CHD1: variants seen among roughly 807,000 people sequenced by gnomAD.
CHD1 encodes chromodomain helicase DNA binding protein 1.
In CHD1, 36 loss-of-function variants were observed where a neutral mutation model predicts 224.2. The ratio of observed to expected loss-of-function variants is 0.16; its 90% CI spans 0.12 to 0.21. The LOEUF (loss-of-function observed/expected upper bound fraction) is 0.21, where lower values mean the gene tolerates loss of function less well. Ranked by LOEUF, CHD1 falls within the 10% of genes least tolerant of loss-of-function variation. CHD1 has a pLI of 1.00. For synonymous variants in CHD1, 668 were observed against 658.3 expected (o/e 1.01, Z -0.23); for missense variants, 1,378 against 1,994.8 (o/e 0.69, Z 5.89).
At chr5:98,865,540 T>G (rs535676922) in intron 31 of CHD1, among the ~76,000 whole-genome samples, 2 of 152,174 alleles carry the variant, frequency 1.3e-5, no homozygotes, top group South Asian at 4.1e-4. Flanking sequence ...AACTGAAACT[T>G]AGAATACAAT....
chr5:98,856,840 A>T, intron 35 of CHD1, 115 bp from the exon 36 acceptor site: 1 of 726,304 alleles, frequency 1.4e-6, no homozygotes, highest in Non-Finnish European at 2.2e-6. Flanking sequence ...TTGTATAGAA[A>T]TTCAGTGTTG....
intron 34 of CHD1, 147 bp downstream of exon 34, chr5:98,858,817 G>GT: frequency 2.1e-6 from 1 of 485,694 alleles, no homozygotes; most frequent in Admixed American, 3.9e-5. Flanking sequence ...ATGTAGGTAT[G>GT]TATCAGAATT....
chr5:98,862,391 A>G (rs1218459486), intron 32 of CHD1, among the ~76,000 whole-genome samples: 2 of 152,200 alleles, frequency 1.3e-5, no homozygotes, highest in Admixed American at 6.5e-5. Flanking sequence ...AGGTGAGAGC[A>G]CAGCCTTAGG....
intron 18 of CHD1, 142 bp from the exon 19 acceptor site, chr5:98,883,379 T>C: frequency 2.1e-6 from 1 of 482,660 alleles, no homozygotes. Context: ...GACTCCAAAA[T>C]CAAATATATA....
At chr5:98,925,568 T>C (rs1289274142) in intron 2 of CHD1, among the ~76,000 whole-genome samples, 1 of 152,182 alleles carries the variant, frequency 6.6e-6, no homozygotes, top group African/African-American at 2.4e-5. Flanking sequence ...TATATGATAA[T>C]GCATATAACT....
rs545678560 is a variant in CHD1, at chr5:98,859,149, A to G, written c.4525-134T>C. Reference sequence around the variant, plus strand: ...TTAGAATGTTTATGTGTGTATATATACATGTATGACATTTATAGATCTCCA... The same window carrying G: ...TTAGAATGTTTATGTGTGTATATATGCATGTATGACATTTATAGATCTCCA... On this transcript the variant is annotated intron_variant, in intron 33 of 35. Coordinates refer to ENST00000614616, the MANE Select transcript of CHD1 (RefSeq NM_001270.4). 12 of 560,092 alleles carry G rather than the reference A, an allele frequency of 2.1e-5. No individual in the cohort carries two copies. In the South Asian group the frequency reaches 3.4e-4, roughly 16 times the overall value. The allele number at this position is 560,092 out of a possible 1,614,324, so 34.7% of individuals were successfully genotyped here.
At chr5:98,858,640 T>C (rs531435011) in intron 34 of CHD1, 1 of 455,338 alleles carries the variant, frequency 2.2e-6, no homozygotes, top group East Asian at 3.5e-5. Context: ...ACTATACTTT[T>C]GTGACTCTGA....
intron 1 of CHD1, among the ~76,000 whole-genome samples, chr5:98,927,354 C>A (rs1233443017): frequency 2.6e-5 from 4 of 152,010 alleles, no homozygotes; most frequent in Non-Finnish European, 5.9e-5. Context: ...GAGGAAGAAG[C>A]GGGGGAAGGA....
In CHD1 at chr5:98,855,942, C is replaced by T. The variant is rs1396384091; in HGVS notation, c.*438G>A. On this transcript the variant is annotated 3_prime_UTR_variant, in exon 36 of 36. Transcript: ENST00000614616. Reference sequence around the variant, plus strand: ...AAGTAGCTTTGGAAATGAACAAAGTCCTTGAGTGTTTTTCTTTATTAAGAA... The same window carrying T: ...AAGTAGCTTTGGAAATGAACAAAGTTCTTGAGTGTTTTTCTTTATTAAGAA... 2 of 155,934 alleles carry T rather than the reference C, an allele frequency of 1.3e-5. No homozygotes were observed. Among genetic ancestry groups the T allele is most frequent in the African/African-American group, 4.8e-5 (2 of 41,418 alleles). The allele number at this position is 155,934 out of a possible 1,614,324, so 9.7% of individuals were successfully genotyped here. A position where few individuals can be genotyped will look rare whatever the true frequency, so the allele number is the denominator to read the frequency against.
rs112571994 is a variant in CHD1 at position 98,887,427 on chromosome 5, T to C, written c.2496+661A>G. On this transcript the variant is annotated intron_variant, in intron 17 of 35. Transcript: ENST00000614616. ...GCTATTTTACTATCTGCACTAAATA[T>C]ACAGCATTTACTAGCTGTATCTACA... 4.7e-3 allele frequency among the ~76,000 whole-genome samples: 714 copies of C among 152,274 alleles called. 8 individuals are homozygous for C. The highest frequency in any genetic ancestry group is 0.016 in the African/African-American group (656 of 41,570).
In CHD1 at chr5:98,889,516, G is replaced by A. The variant is rs185986817; in HGVS notation, c.2181-278C>T. ...TCCCCTCAAATTTGCTAAAAAGATG[G>A]TCAGCTGCATTATTTATCTGAATCT... On this transcript the variant is annotated intron_variant, in intron 15 of 35. Coordinates refer to ENST00000614616, the MANE Select transcript of CHD1 (RefSeq NM_001270.4). 5.0e-3 allele frequency among the ~76,000 whole-genome samples: 767 copies of A among 152,234 alleles called. 6 individuals are homozygous for A. Among genetic ancestry groups the A allele is most frequent in the Non-Finnish European group, 8.0e-3 (546 of 68,000 alleles).
chr5:98,891,166 T>C (rs1373502024), intron 15 of CHD1, among the ~76,000 whole-genome samples: 5 of 152,134 alleles, frequency 3.3e-5, no homozygotes, highest in Non-Finnish European at 7.4e-5. Flanking sequence ...CTCTGCCTCA[T>C]GGGCTCAAGC....
In CHD1 at chr5:98,896,457, A is replaced by G; in HGVS notation, c.1494-15T>C. Reference sequence around the variant, plus strand: ...AACTATTTCCTCTACAAAGTTAAAAAAAAATTAGCATGCAAGGAAATATTC... The same window carrying G: ...AACTATTTCCTCTACAAAGTTAAAAGAAAATTAGCATGCAAGGAAATATTC... On this transcript the variant is annotated splice_polypyrimidine_tract_variant and intron_variant, in intron 11 of 35. Transcript: ENST00000614616. 6.4e-7 allele frequency: 1 copy of G among 1,562,306 alleles called. No homozygotes were observed. The highest frequency in any genetic ancestry group is 8.8e-7 in the Non-Finnish European group (1 of 1,139,438).
intron 32 of CHD1, among the ~76,000 whole-genome samples, chr5:98,862,189 A>C (rs1236376817): frequency 1.3e-5 from 2 of 152,158 alleles, no homozygotes; most frequent in Non-Finnish European, 2.9e-5. Flanking sequence ...AAATTTCTCC[A>C]AGACAGCAAA....
At chr5:98,861,508 A>T (rs910910309) in intron 32 of CHD1, among the ~76,000 whole-genome samples, 30 of 152,268 alleles carry the variant, frequency 2.0e-4, no homozygotes, top group African/African-American at 7.0e-4. Flanking sequence ...ACTGTTCTGT[A>T]ATTGTGGTTT....
In CHD1 at chr5:98,856,364, G is replaced by A. The variant is rs767701099; in HGVS notation, c.*16C>T. 2.5e-6 allele frequency: 4 copies of A among 1,584,906 alleles called. No homozygotes were observed. In the African/African-American group the frequency reaches 4.1e-5, roughly 16 times the overall value. The stretch of plus-strand genomic sequence containing the variant: ...GGCTAAAAGAAAAGTCCAGAAAGAC[G>A]AAGTATCAGTTTTTGTTATGTTTTC... On this transcript the variant is annotated 3_prime_UTR_variant, in exon 36 of 36. Transcript: ENST00000614616.
Position 98,877,115 on chromosome 5 carries a change from G to A in CHD1, c.3238-557C>T, listed in dbSNP as rs577132623. 7.9e-5 allele frequency among the ~76,000 whole-genome samples: 12 copies of A among 152,330 alleles called. No individual in the cohort carries two copies. In the South Asian group the frequency reaches 1.7e-3, roughly 21 times the overall value. On this transcript the variant is annotated intron_variant, in intron 23 of 35. Coordinates refer to ENST00000614616, the MANE Select transcript of CHD1 (RefSeq NM_001270.4). ...TTGACCCCAGGAAGCTGAGGCTGCA[G>A]TGAGCCATGACCATACCATGGCATT... is the stretch of plus-strand genomic sequence containing the variant.
chr5:98,898,682 T>C lies in CHD1; in HGVS notation c.1168A>G (p.Ile390Val), dbSNP rs534998462. 1.3e-6 allele frequency: 2 copies of C among 1,550,916 alleles called. No homozygotes were observed. The highest frequency in any genetic ancestry group is 1.4e-5 in the African/African-American group (1 of 73,642). Reference sequence around the variant, plus strand: ...CACTAACCAATTATACGTTCCACTATTTGATACTGTTTATGTAGATCATCT... The same window carrying C: ...CACTAACCAATTATACGTTCCACTACTTGATACTGTTTATGTAGATCATCT... Reference protein sequence around the residue: ...LTDDLHKQYQIVERIIAHSNQ... With the variant: ...LTDDLHKQYQVVERIIAHSNQ... Residue 390 changes from isoleucine (I) to valine (V), a missense_variant, in exon 9 of 36, where the codon ATA (isoleucine) becomes GTA (valine). Around this residue, in one of 16 missense-constraint regions of CHD1, gnomAD observed 13 missense variants for 23.3 expected, o/e 0.56. Transcript: ENST00000614616.
At chr5:98,926,131 C>T (rs1333668415) in intron 2 of CHD1, among the ~76,000 whole-genome samples, 3 of 151,864 alleles carry the variant, frequency 2.0e-5, no homozygotes, top group African/African-American at 7.3e-5. Flanking sequence ...TACTGTGTAT[C>T]TGAATGAAAA....
Sources: allele counts gnomAD v4.1 joint callset (sites outside exome capture counted in the v4.1 genomes callset), GRCh38; gene constraint gnomAD v4.1.1; regional missense constraint gnomAD v4.1.1; transcripts MANE v1.5; gene names NCBI Gene and HGNC (gene_info 2026-07-23, HGNC 2026-07-21).